The following XKR8 variants were observed in gnomAD, a reference collection of about 807,000 sequenced individuals.
XKR8 encodes XK-related protein 8.
XKR8 carries 10 observed loss-of-function variants against 17.1 expected under a neutral mutation model. That is an observed-to-expected ratio of 0.59 (90% CI 0.36 to 0.99). XKR8 has a LOEUF of 0.99. XKR8 is among the 50% of genes least tolerant of loss of function. The pLI is 0.01. For synonymous variants in XKR8, 213 were observed against 251.9 expected (o/e 0.85, Z 1.46); for missense variants, 411 against 515.6 (o/e 0.80, Z 1.96).
rs1381020114 is a variant in XKR8, at chr1:27,966,500, C to T, written c.491-3C>T. 1 of 1,608,268 alleles carries T rather than the reference C, an allele frequency of 6.2e-7. No homozygotes were observed. Among genetic ancestry groups the T allele is most frequent in the Admixed American group, 1.7e-5 (1 of 59,804 alleles). On this transcript the variant is annotated splice_polypyrimidine_tract_variant and splice_region_variant and intron_variant, in intron 2 of 2. Coordinates refer to ENST00000373884, the MANE Select transcript of XKR8 (RefSeq NM_018053.4). This position sits in a 1 kb window ranked among gnomAD's most constrained non-coding sequence, Gnocchi z 4.3. ...ACTCACTGTTCCCTCCTACTCTTTG[C>T]AGGGGTTGGCATCTGCACATCCTTC...
rs1166639791 is a variant in XKR8, at chr1:27,967,959, G to T, written c.*759G>T. 6 of 152,488 alleles carry T rather than the reference G, an allele frequency of 3.9e-5. No individual in the cohort carries two copies. Among genetic ancestry groups the T allele is most frequent in the Admixed American group, 3.3e-4 (5 of 15,270 alleles). 9.4% of individuals were successfully genotyped at this position (152,488 alleles called of 1,614,324 possible). On this transcript the variant is annotated 3_prime_UTR_variant, in exon 3 of 3. Coordinates refer to ENST00000373884, the MANE Select transcript of XKR8 (RefSeq NM_018053.4). The surrounding 1 kb of genome is among the most constrained non-coding windows in gnomAD (Gnocchi z 4.3). The stretch of plus-strand genomic sequence containing the variant: ...TGCACAGCCACTGAGTATTTTTTTT[G>T]CCTTAGCCAGTGTACCTCCTACCTC...
rs768664107 is a variant in XKR8 at position 27,966,722 on chromosome 1, G to A, written c.710G>A (p.Trp237Ter). 6.2e-7 allele frequency: 1 copy of A among 1,614,154 alleles called. No homozygotes were observed. The highest frequency in any genetic ancestry group is 2.2e-5 in the East Asian group (1 of 44,886). Residue 237 changes from tryptophan to a stop codon, truncating the protein, a stop_gained, in exon 3 of 3, where the codon TGG becomes TAG. Coordinates refer to ENST00000373884, the MANE Select transcript of XKR8 (RefSeq NM_018053.4). LOFTEE classifies it low-confidence loss of function (END_TRUNC). The surrounding 1 kb of genome is among the most constrained non-coding windows in gnomAD (Gnocchi z 4.3). ...GTGGCCCTGCACTTCCTGGGCCTGT[G>A]GCTGGTACTGCTGCTCTGGGTCTGG... ...SYVALHFLGL[W>*]LVLLLWVWLQ... is the part of the protein sequence containing the mutation.
At chr1:27,962,300 T>C (rs1418712943) in intron 1 of XKR8, among the ~76,000 whole-genome samples, 1 of 152,324 alleles carries the variant, frequency 6.6e-6, no homozygotes, top group Non-Finnish European at 1.5e-5. Flanking sequence ...CTGGTCAGGC[T>C]TGGTGGCTCA....
Position 27,960,311 on chromosome 1 carries a change from C to T in XKR8, c.242C>T (p.Pro81Leu), listed in dbSNP as rs374738603. The change falls in exon 1 of 3, where the codon CCG becomes CTG. Residue 81 changes from proline to leucine, a missense_variant. Coordinates refer to ENST00000373884, the MANE Select transcript of XKR8 (RefSeq NM_018053.4). The surrounding 1 kb of genome is among the most constrained non-coding windows in gnomAD (Gnocchi z 5.9). ...GCCGGCCTGCACGGGTCGCAGCCCCCGCGCCGCTGCCTGGCGCTGCTGCAT... is the reference window on the plus strand; with the variant it reads ...GCCGGCCTGCACGGGTCGCAGCCCCTGCGCCGCTGCCTGGCGCTGCTGCAT... Reference protein sequence around the residue: ...DPAGLHGSQPPRRCLALLHLL... With the variant: ...DPAGLHGSQPLRRCLALLHLL... 3.6e-5 allele frequency: 51 copies of T among 1,434,962 alleles called. No individual in the cohort carries two copies. In the African/African-American group the frequency reaches 7.2e-4, roughly 20 times the overall value. The allele number at this position is 1,434,962 out of a possible 1,614,324, so 88.9% of individuals were successfully genotyped here.
rs1638565159 is a variant in XKR8 at position 27,966,244 on chromosome 1, C to G, written c.491-259C>G. On this transcript the variant is annotated intron_variant, in intron 2 of 2. Coordinates refer to ENST00000373884, the MANE Select transcript of XKR8 (RefSeq NM_018053.4). The surrounding 1 kb of genome is among the most constrained non-coding windows in gnomAD (Gnocchi z 4.3). ...TGGGCCACAGGTCACATCCTCTCAT[C>G]TTTGACAAATACCACCCGGATAGCA... is the stretch of plus-strand genomic sequence containing the variant. 6.6e-6 allele frequency among the ~76,000 whole-genome samples: 1 copy of G among 152,172 alleles called. No individual in the cohort carries two copies. The highest frequency in any genetic ancestry group is 2.4e-5 in the African/African-American group (1 of 41,432).
At chr1:27,963,468 C>A (rs1307420473) in intron 1 of XKR8, 29 bp from the exon 2 acceptor site, 7 of 1,580,556 alleles carry the variant, frequency 4.4e-6, no homozygotes, top group Non-Finnish European at 5.2e-6. Context: ...ACTAACCTGG[C>A]CCTCTGGGCA....
intron 2 of XKR8, among the ~76,000 whole-genome samples, chr1:27,964,676 G>A (rs535260419): frequency 2.1e-4 from 32 of 152,268 alleles, no homozygotes; most frequent in African/African-American, 7.7e-4. Context: ...GAGAGGCAGG[G>A]AGCAGAGGAT....
chr1:27,967,404 C>A lies in XKR8; in HGVS notation c.*204C>A. 1.9e-6 allele frequency: 1 copy of A among 514,388 alleles called. No individual in the cohort carries two copies. The highest frequency in any genetic ancestry group is 3.3e-6 in the Non-Finnish European group (1 of 299,600). 31.9% of individuals were successfully genotyped at this position (514,388 alleles called of 1,614,324 possible). On this transcript the variant is annotated 3_prime_UTR_variant, in exon 3 of 3. Transcript: ENST00000373884. This position sits in a 1 kb window ranked among gnomAD's most constrained non-coding sequence, Gnocchi z 4.3. ...CTCCTTTCAAGGAGTTCACAGTGAA[C>A]AAGATGAGAAGGGCTGGGCCCTGGA...
chr1:27,965,934 G>A lies in XKR8; in HGVS notation c.491-569G>A, dbSNP rs761697236. ...CTGGATCTTGGAAAATCAAGGTTAGGGGTCAGTCCGATGGCCTCTGGTCTT... is the reference window on the plus strand; with the variant it reads ...CTGGATCTTGGAAAATCAAGGTTAGAGGTCAGTCCGATGGCCTCTGGTCTT... On this transcript the variant is annotated intron_variant, in intron 2 of 2. Coordinates refer to ENST00000373884, the MANE Select transcript of XKR8 (RefSeq NM_018053.4). The surrounding 1 kb of genome is among the most constrained non-coding windows in gnomAD (Gnocchi z 4.1). 1.3e-5 allele frequency among the ~76,000 whole-genome samples: 2 copies of A among 152,100 alleles called. No individual in the cohort carries two copies. The highest frequency in any genetic ancestry group is 2.9e-5 in the Non-Finnish European group (2 of 67,998).
At chr1:27,961,884 C>T (rs71642220) in intron 1 of XKR8, among the ~76,000 whole-genome samples, 5,259 of 152,270 alleles carry the variant, frequency 0.035, 143 homozygotes, top group Non-Finnish European at 0.05. Flanking sequence ...GTGGAGGGTC[C>T]TTGGTGCATC....
At chr1:27,961,275 G>C (rs1481787115) in intron 1 of XKR8, among the ~76,000 whole-genome samples, 1 of 152,236 alleles carries the variant, frequency 6.6e-6, no homozygotes, top group Non-Finnish European at 1.5e-5. Flanking sequence ...GAGCCTCGTA[G>C]AGATGGGAAA....
chr1:27,966,636 G>GC lies in XKR8; in HGVS notation c.625dup (p.Leu209ProfsTer70). ...CCGTGATCTACTTCCTGTGGAACCT[G>GC]CTGCTGCTGTGGCCCCGAGTCCTGG... On this transcript the variant is annotated frameshift_variant, in exon 3 of 3. Transcript: ENST00000373884. LOFTEE classifies it low-confidence loss of function (END_TRUNC). The surrounding 1 kb of genome is among the most constrained non-coding windows in gnomAD (Gnocchi z 4.3). The GC allele has an allele frequency of 6.2e-7, 1 of 1,614,064 alleles. No homozygotes were observed. The highest frequency in any genetic ancestry group is 8.5e-7 in the Non-Finnish European group (1 of 1,179,994).
In XKR8 at chr1:27,966,558, C is replaced by A. The variant is rs764972137; in HGVS notation, c.546C>A (p.His182Gln). 3 of 1,614,110 alleles carry A rather than the reference C, an allele frequency of 1.9e-6. No individual in the cohort carries two copies. Among genetic ancestry groups the A allele is most frequent in the East Asian group, 2.2e-5 (1 of 44,874 alleles). ...LGISWALLDY[H>Q]RALRTCLPSK... ...TCTCGTGGGCACTGCTCGACTACCA[C>A]CGGGCCTTGCGCACCTGCCTCCCCT... is the stretch of plus-strand genomic sequence containing the variant. Residue 182 changes from histidine (H) to glutamine (Q), a missense_variant, in exon 3 of 3, where the codon CAC (histidine) becomes CAA (glutamine). Coordinates refer to ENST00000373884, the MANE Select transcript of XKR8 (RefSeq NM_018053.4). The surrounding 1 kb of genome is among the most constrained non-coding windows in gnomAD (Gnocchi z 4.3).
In XKR8 at chr1:27,965,775, T is replaced by C. The variant is rs12059233; in HGVS notation, c.491-728T>C. ...TCCCAGTAAACATCTGTCGAATGAC[T>C]GCGGTGGACGGGGACAGGGGAGGAA... On this transcript the variant is annotated intron_variant, in intron 2 of 2. Coordinates refer to ENST00000373884, the MANE Select transcript of XKR8 (RefSeq NM_018053.4). The surrounding 1 kb of genome is among the most constrained non-coding windows in gnomAD (Gnocchi z 4.1). 1.9e-3 allele frequency among the ~76,000 whole-genome samples: 295 copies of C among 152,306 alleles called. 1 individual carries two copies. The highest frequency in any genetic ancestry group is 6.6e-3 in the African/African-American group (276 of 41,562).
In XKR8 at chr1:27,965,573, C is replaced by T. The variant is rs775786186; in HGVS notation, c.491-930C>T. 1.3e-5 allele frequency among the ~76,000 whole-genome samples: 2 copies of T among 151,900 alleles called. No homozygotes were observed. The highest frequency in any genetic ancestry group is 2.9e-5 in the Non-Finnish European group (2 of 67,978). On this transcript the variant is annotated intron_variant, in intron 2 of 2. Coordinates refer to ENST00000373884, the MANE Select transcript of XKR8 (RefSeq NM_018053.4). This position sits in a 1 kb window ranked among gnomAD's most constrained non-coding sequence, Gnocchi z 4.1. ...CCTGCGGGGTAATGGAGGAGTAGGCCGGGGAAGTGGGGCCTGTGCTTCTGG... is the reference window on the plus strand; with the variant it reads ...CCTGCGGGGTAATGGAGGAGTAGGCTGGGGAAGTGGGGCCTGTGCTTCTGG...
At position 27,960,171 on chromosome 1, in the gene XKR8, C is replaced by G. The variant is rs1473197660; in HGVS notation, c.102C>G (p.Ala34=). 1.3e-6 allele frequency: 2 copies of G among 1,527,472 alleles called. No homozygotes were observed. The highest frequency in any genetic ancestry group is 1.7e-6 in the Non-Finnish European group (2 of 1,144,084). 94.6% of individuals were successfully genotyped at this position (1,527,472 alleles called of 1,614,324 possible). A position where few individuals can be genotyped will look rare whatever the true frequency, so the allele number is the denominator to read the frequency against. ...ACCTGGGCACCGACCTGTGGGCCGC[C>G]GTCCAGTATGCGCTCGGCGGCCGCT... ...LLDLGTDLWA[A]VQYALGGRYL... is the part of the protein sequence containing the mutation. Residue 34 remains alanine, a synonymous_variant, in exon 1 of 3, where the codon GCC becomes GCG. Transcript: ENST00000373884. This position sits in a 1 kb window ranked among gnomAD's most constrained non-coding sequence, Gnocchi z 5.9.
At chr1:27,964,532 C>T (rs1410540946) in intron 2 of XKR8, among the ~76,000 whole-genome samples, 1 of 152,130 alleles carries the variant, frequency 6.6e-6, no homozygotes, top group Non-Finnish European at 1.5e-5. Flanking sequence ...TTCATCCAGT[C>T]AGGTTTTCAT....
At chr1:27,963,740 G>A (rs1350818142) in intron 2 of XKR8, 47 bp downstream of exon 2, 2 of 1,458,772 alleles carry the variant, frequency 1.4e-6, no homozygotes, top group South Asian at 1.4e-5. Context: ...CTTGGTGGGG[G>A]GTCTCTCAAA....
At chr1:27,963,120 T>G (rs1024451466) in intron 1 of XKR8, among the ~76,000 whole-genome samples, 1 of 151,658 alleles carries the variant, frequency 6.6e-6, no homozygotes, top group African/African-American at 2.4e-5. Flanking sequence ...GCCTTGCAGA[T>G]TCAAGAGATT....
Sources: gnomAD v4.1 joint callset for allele counts (sites outside exome capture counted in the v4.1 genomes callset) on GRCh38, gnomAD v4.1.1 for gene constraint, Gnocchi (gnomAD v3.1) non-coding constraint, MANE v1.5 for transcripts, NCBI Gene and HGNC (gene_info 2026-07-23, HGNC 2026-07-21) for gene names.